Variants in ANO5 observed in about 807,000 individuals in gnomAD.
ANO5 encodes the protein anoctamin 5, also known as anoctamin-5.
A neutral mutation model predicts 121.0 loss-of-function variants in ANO5; 109 were observed. The ratio of observed to expected loss-of-function variants is 0.90; its 90% CI spans 0.77 to 1.06. ANO5 has a LOEUF of 1.06. Among genes scored for constraint, ANO5 ranks in the 50% least tolerant of loss-of-function variants. The probability of loss-of-function intolerance (pLI) is 0.00; values close to 1 mark genes in which losing one functional copy is unlikely to be tolerated. For missense variants in ANO5, 1,064 were observed against 1,078.5 expected (o/e 0.99, Z 0.19); for synonymous variants, 406 against 359.9 (o/e 1.13, Z -1.45).
At chr11:22,222,923 C>T (rs985385023) in intron 5 of ANO5, among the ~76,000 whole-genome samples, 3 of 151,994 alleles carry the variant, frequency 2.0e-5, no homozygotes, top group Non-Finnish European at 2.9e-5. Flanking sequence ...ACACCTCCAA[C>T]ACCTCCTCCT....
chr11:22,275,931 G>C (rs1854823435), intron 20 of ANO5, among the ~76,000 whole-genome samples, 163 bp from the exon 21 acceptor site: 1 of 151,708 alleles, frequency 6.6e-6, no homozygotes, highest in Non-Finnish European at 1.5e-5. Context: ...GACTTTATGT[G>C]AACAAGAAAG....
intron 4 of ANO5, among the ~76,000 whole-genome samples, chr11:22,218,702 AG>A (rs1278159132): frequency 1.3e-5 from 2 of 151,994 alleles, no homozygotes; most frequent in African/African-American, 4.8e-5. Context: ...CTGGGACCAC[AG>A]GGGCACACCA....
At chr11:22,221,618 G>A (rs1467877976) in intron 5 of ANO5, among the ~76,000 whole-genome samples, 1 of 151,686 alleles carries the variant, frequency 6.6e-6, no homozygotes, top group Non-Finnish European at 1.5e-5. Context: ...TATTTTATTT[G>A]TATTACACAT....
At chr11:22,266,468 T>G (rs2133762214) in intron 17 of ANO5, among the ~76,000 whole-genome samples, 1 of 152,314 alleles carries the variant, frequency 6.6e-6, no homozygotes, top group Non-Finnish European at 1.5e-5. Flanking sequence ...TTTTGCCAAC[T>G]GGGGGTTATA....
At chr11:22,269,480 AAAGGAAAGAAAAAAGAAAAGG>A (rs201249514) in intron 17 of ANO5, among the ~76,000 whole-genome samples, 79,326 of 123,912 alleles carry the variant, frequency 0.64, 25,657 homozygotes, top group South Asian at 0.69. Flanking sequence ...AAAAGAAAAG[AAAGGAAAGAAAAAAGAAAAGG>A]AAGGAAAGAA....
chr11:22,245,331 G>T (rs779851211), intron 9 of ANO5, among the ~76,000 whole-genome samples: 1 of 152,128 alleles, frequency 6.6e-6, no homozygotes, highest in Non-Finnish European at 1.5e-5. Flanking sequence ...CCCTCTGATC[G>T]CTGGCACTGT....
chr11:22,263,155 G>A (rs1460962462), intron 17 of ANO5, 112 bp downstream of exon 17: 3 of 857,772 alleles, frequency 3.5e-6, no homozygotes, highest in Non-Finnish European at 5.6e-6. Context: ...AAATGTTTAA[G>A]CCAAAAGAAA....
intron 1 of ANO5, among the ~76,000 whole-genome samples, chr11:22,195,381 A>G (rs1851777173): frequency 6.6e-6 from 1 of 152,014 alleles, no homozygotes; most frequent in South Asian, 2.1e-4. Context: ...GAGTGTTATC[A>G]TTCTATGTTC....
chr11:22,274,813 A>G, intron 20 of ANO5, 66 bp downstream of exon 20: 1 of 1,550,890 alleles, frequency 6.4e-7, no homozygotes, highest in Non-Finnish European at 8.8e-7. Context: ...TAAGTTATCT[A>G]TTACCTTTCT....
chr11:22,197,791 C>T (rs1054831262), intron 1 of ANO5, among the ~76,000 whole-genome samples: 4 of 152,132 alleles, frequency 2.6e-5, no homozygotes, highest in Non-Finnish European at 5.9e-5. Flanking sequence ...GATGATTCTC[C>T]ACAGTGATTG....
rs113777714 is a variant in ANO5 at position 22,272,734 on chromosome 11, G to C, written c.2030-50G>C. 14 of 1,551,496 alleles carry C rather than the reference G, an allele frequency of 9.0e-6. 1 individual carries two copies. In the African/African-American group the frequency reaches 9.5e-5, roughly 11 times the overall value. On this transcript the variant is annotated intron_variant, in intron 18 of 21. Coordinates refer to ENST00000324559, the MANE Select transcript of ANO5 (RefSeq NM_213599.3). ...AGCAGGATTTGGGCAGGGTGTTCCTGTCTTTCTCCTTCACAATAATGAGTT... is the reference window on the plus strand; with the variant it reads ...AGCAGGATTTGGGCAGGGTGTTCCTCTCTTTCTCCTTCACAATAATGAGTT...
chr11:22,211,341 C>T (rs1212318711), intron 3 of ANO5, 27 bp downstream of exon 3: 10 of 1,605,474 alleles, frequency 6.2e-6, no homozygotes, highest in Non-Finnish European at 8.5e-6. Flanking sequence ...ACTATCCTTT[C>T]TTGCATGGAC....
At chr11:22,204,481 G>A (rs939574262) in intron 2 of ANO5, among the ~76,000 whole-genome samples, 12 of 152,076 alleles carry the variant, frequency 7.9e-5, no homozygotes, top group African/African-American at 2.7e-4. Flanking sequence ...GTCCTTGAGT[G>A]GTTTCAGGAT....
chr11:22,251,266 C>T (rs1463059536), intron 12 of ANO5, among the ~76,000 whole-genome samples: 3 of 152,112 alleles, frequency 2.0e-5, no homozygotes, highest in Non-Finnish European at 4.4e-5. Context: ...TATTAATTTC[C>T]CACTGTCTTT....
In ANO5 at chr11:22,279,782, G is replaced by A. The variant is rs1855012336; in HGVS notation, c.*17G>A. The A allele has an allele frequency of 1.9e-6, 3 of 1,599,326 alleles. No homozygotes were observed. Among genetic ancestry groups the A allele is most frequent in the East Asian group, 2.2e-5 (1 of 44,716 alleles). ...ACACTCTAATCAGTATAGTGAGGAA[G>A]CAGCAGGTGATCTGCCTTACTTCAC... On this transcript the variant is annotated 3_prime_UTR_variant, in exon 22 of 22. Coordinates refer to ENST00000324559, the MANE Select transcript of ANO5 (RefSeq NM_213599.3).
chr11:22,267,621 CT>C (rs202229854), intron 17 of ANO5, among the ~76,000 whole-genome samples: 6 of 60,280 alleles, frequency 1.0e-4, no homozygotes, highest in South Asian at 5.3e-4. Flanking sequence ...CAATCTCTCT[CT>C]TTTTTTTTAA....
chr11:22,199,891 CT>C (rs1361275849), intron 1 of ANO5, among the ~76,000 whole-genome samples: 2 of 152,054 alleles, frequency 1.3e-5, no homozygotes, highest in East Asian at 3.8e-4. Flanking sequence ...ATAATAGGTT[CT>C]TTAAAGTTAG....
intron 18 of ANO5, among the ~76,000 whole-genome samples, chr11:22,272,236 T>A (rs1854643241): frequency 6.6e-6 from 1 of 150,718 alleles, no homozygotes; most frequent in Non-Finnish European, 1.5e-5. Context: ...AAAGATGTCA[T>A]GATAGTAAGG....
chr11:22,259,733 C>CA lies in ANO5; in HGVS notation c.1627dup (p.Met543AsnfsTer11), dbSNP rs281865480. 2.0e-5 allele frequency: 32 copies of CA among 1,611,024 alleles called. No individual in the cohort carries two copies. Among genetic ancestry groups the CA allele is most frequent in the Admixed American group, 6.7e-5 (4 of 59,946 alleles). On this transcript the variant is annotated frameshift_variant, in exon 15 of 22. Coordinates refer to ENST00000324559, the MANE Select transcript of ANO5 (RefSeq NM_213599.3). LOFTEE classifies it high-confidence loss of function. ...TATGAAAAGATATCTGCCTGGATCA[C>CA]AAAAATGGGTAAGCTGGCCAAATCA...
Sources: allele counts gnomAD v4.1 joint callset (sites outside exome capture counted in the v4.1 genomes callset), GRCh38; gene constraint gnomAD v4.1.1; transcripts MANE v1.5; gene names NCBI Gene and HGNC (gene_info 2026-07-23, HGNC 2026-07-21).